The following DENND1B variants were observed in gnomAD, a reference collection of about 807,000 sequenced individuals.
DENND1B encodes DENN domain containing 1B.
Under a neutral mutation model 90.1 loss-of-function variants are expected in DENND1B, and 59 were observed. That is an observed-to-expected ratio of 0.65 (90% CI 0.53 to 0.81). DENND1B has a LOEUF of 0.81. DENND1B is among the 40% of genes least tolerant of loss of function. DENND1B has a pLI of 0.00. For synonymous variants in DENND1B, 337 were observed against 324.6 expected (o/e 1.04, Z -0.41); for missense variants, 862 against 912.6 (o/e 0.94, Z 0.71).
intron 2 of DENND1B, among the ~76,000 whole-genome samples, chr1:197,726,954 C>CT (rs1661694144): frequency 6.6e-6 from 1 of 152,144 alleles, no homozygotes; most frequent in South Asian, 2.1e-4. Flanking sequence ...TCACAGGTCT[C>CT]TGTTGATGTA....
rs57926782 is a variant in DENND1B at position 197,754,659 on chromosome 1, C to CAAA, written c.82+18206_82+18208dup. Among the ~76,000 whole-genome samples, 4 of 72,880 alleles carry CAAA rather than the reference C, an allele frequency of 5.5e-5. 1 individual carries two copies. Among genetic ancestry groups the CAAA allele is most frequent in the African/African-American group, 1.7e-4 (3 of 18,082 alleles). The allele number at this position is 72,880 out of a possible 152,430, so 47.8% of individuals were successfully genotyped here. On this transcript the variant is annotated intron_variant, in intron 2 of 22. Coordinates refer to ENST00000620048, the MANE Select transcript of DENND1B (RefSeq NM_001195215.2). ...TGGGCAACAATGCGAGACTCTGTCT[C>CAAA]AAAAAAAAAAAAAAAAAAAAAAAAA...
chr1:197,729,772 C>A (rs1289903784), intron 2 of DENND1B, among the ~76,000 whole-genome samples: 1 of 152,036 alleles, frequency 6.6e-6, no homozygotes, highest in East Asian at 1.9e-4. Flanking sequence ...TCACTGAGGT[C>A]GTCAAAGAAC....
chr1:197,740,934 G>A (rs1189658261), intron 2 of DENND1B, among the ~76,000 whole-genome samples: 2 of 152,108 alleles, frequency 1.3e-5, no homozygotes, highest in African/African-American at 2.4e-5. Flanking sequence ...TTTGAAGGAA[G>A]GAGTGAAAAG....
intron 3 of DENND1B, among the ~76,000 whole-genome samples, chr1:197,684,913 T>C (rs1392443066): frequency 6.6e-6 from 1 of 152,080 alleles, no homozygotes; most frequent in African/African-American, 2.4e-5. Context: ...GGTCAAGAGT[T>C]CGAGACCAGC....
intron 3 of DENND1B, among the ~76,000 whole-genome samples, chr1:197,684,555 T>TGG (rs1657034263): frequency 6.6e-6 from 1 of 152,080 alleles, no homozygotes. Context: ...AATAAAGGGA[T>TGG]GGGGTATGAA....
chr1:197,735,944 T>C (rs1662634942), intron 2 of DENND1B: 1 of 1,474,220 alleles, frequency 6.8e-7, no homozygotes, highest in African/African-American at 1.4e-5. Flanking sequence ...TTAGAAAGGC[T>C]CAACGAGAAC....
At chr1:197,746,572 T>C (rs1228149995) in intron 2 of DENND1B, among the ~76,000 whole-genome samples, 6 of 152,188 alleles carry the variant, frequency 3.9e-5, no homozygotes, top group Non-Finnish European at 7.3e-5. Flanking sequence ...TTTATTCACT[T>C]CAGTACGACA....
intron 16 of DENND1B, 154 bp downstream of exon 16, chr1:197,552,868 A>G (rs1394287157): frequency 7.1e-7 from 1 of 1,410,620 alleles, no homozygotes; most frequent in South Asian, 1.7e-5. Flanking sequence ...AGCTAATTCC[A>G]TAGCTTTTAT....
intron 7 of DENND1B, among the ~76,000 whole-genome samples, chr1:197,648,612 G>C (rs530325359): frequency 5.1e-4 from 77 of 152,158 alleles, no homozygotes; most frequent in African/African-American, 1.6e-3. Context: ...CACTTTCAAA[G>C]AGAAATTACC....
At chr1:197,772,837 T>C (rs1315197563) in intron 2 of DENND1B, 31 bp downstream of exon 2, 9 of 1,531,238 alleles carry the variant, frequency 5.9e-6, no homozygotes, top group Non-Finnish European at 7.9e-6. Context: ...AAAGAGACCT[T>C]GTCAAATAAC....
Position 197,517,429 on chromosome 1 carries a change from A to G in DENND1B, c.1516-4476T>C, listed in dbSNP as rs575134195. Among the ~76,000 whole-genome samples, 13 of 151,868 alleles carry G rather than the reference A, an allele frequency of 8.6e-5. No individual in the cohort carries two copies. In the South Asian group the frequency reaches 2.5e-3, roughly 29 times the overall value. On this transcript the variant is annotated intron_variant, in intron 20 of 22. Transcript: ENST00000620048. The stretch of plus-strand genomic sequence containing the variant: ...ACCATGGCCTTCTTCAACCCCTTAT[A>G]TTTGTCCTGATTTGTCCTAGCACAG...
At chr1:197,646,073 A>C (rs1302813484) in intron 8 of DENND1B, among the ~76,000 whole-genome samples, 1 of 151,914 alleles carries the variant, frequency 6.6e-6, no homozygotes, top group Non-Finnish European at 1.5e-5. Flanking sequence ...GTATGTGTAT[A>C]TATACAGTAT....
At chr1:197,631,965 A>G (rs1301678297) in intron 10 of DENND1B, among the ~76,000 whole-genome samples, 1 of 152,046 alleles carries the variant, frequency 6.6e-6, no homozygotes, top group Non-Finnish European at 1.5e-5. Context: ...GCCACTCTAC[A>G]TTCTCCCTTT....
chr1:197,733,252 A>G (rs980330689), intron 2 of DENND1B, among the ~76,000 whole-genome samples: 9 of 152,110 alleles, frequency 5.9e-5, no homozygotes, highest in African/African-American at 2.2e-4. Context: ...AAGTTTAAAC[A>G]CCTATGTTTA....
At chr1:197,529,167 T>C (rs1669371682) in intron 20 of DENND1B, among the ~76,000 whole-genome samples, 1 of 146,848 alleles carries the variant, frequency 6.8e-6, no homozygotes, top group Admixed American at 6.8e-5. Flanking sequence ...AATCTAAAAA[T>C]ATTGCTATTT....
intron 15 of DENND1B, among the ~76,000 whole-genome samples, chr1:197,573,238 T>C (rs1186200939): frequency 6.6e-6 from 1 of 152,076 alleles, no homozygotes. Flanking sequence ...TGTTAGGGTG[T>C]CAATTTTGGA....
intron 14 of DENND1B, among the ~76,000 whole-genome samples, 184 bp downstream of exon 14, chr1:197,595,024 C>T (rs1675558384): frequency 6.6e-6 from 1 of 151,996 alleles, no homozygotes. Context: ...CTAAACAAAA[C>T]TAAAAATAAA....
chr1:197,526,770 C>A (rs901428925), intron 20 of DENND1B, among the ~76,000 whole-genome samples: 32 of 152,142 alleles, frequency 2.1e-4, no homozygotes, highest in African/African-American at 7.5e-4. Context: ...AAATGAAGTC[C>A]AAGCAAGTTA....
intron 11 of DENND1B, among the ~76,000 whole-genome samples, chr1:197,612,408 T>C (rs1677264257): frequency 6.6e-6 from 1 of 150,628 alleles, no homozygotes; most frequent in Non-Finnish European, 1.5e-5. Flanking sequence ...ATTTCTATGA[T>C]ATTCTTAATA....
Sources: allele counts gnomAD v4.1 joint callset (sites outside exome capture counted in the v4.1 genomes callset), GRCh38; gene constraint gnomAD v4.1.1; transcripts MANE v1.5; gene names NCBI Gene and HGNC (gene_info 2026-07-23, HGNC 2026-07-21).